Variants in MARCHF1 observed in about 807,000 individuals in gnomAD.
The protein encoded by MARCHF1 is membrane associated ring-CH-type finger 1, also known as E3 ubiquitin-protein ligase MARCHF1.
In MARCHF1, 40 loss-of-function variants were observed where a neutral mutation model predicts 54.2. That is an observed-to-expected ratio of 0.74 (90% CI 0.57 to 0.96). The LOEUF (loss-of-function observed/expected upper bound fraction) is 0.96, where lower values mean the gene tolerates loss of function less well. Among genes scored for constraint, MARCHF1 ranks in the 40% least tolerant of loss-of-function variants. The probability of loss-of-function intolerance (pLI) is 0.00; values close to 1 mark genes in which losing one functional copy is unlikely to be tolerated. For synonymous variants in MARCHF1, 236 were observed against 236.3 expected, an observed-to-expected ratio of 1.00 and a Z score of 0.01; for missense variants, 586 against 656.5, an observed-to-expected ratio of 0.89 and a Z score of 1.17.
chr4:163,630,437 T>C (rs573036840), intron 5 of MARCHF1, among the ~76,000 whole-genome samples: 4 of 152,250 alleles, frequency 2.6e-5, no homozygotes, highest in Non-Finnish European at 4.4e-5. Context: ...GAGAGATGGA[T>C]AGATTTCACA....
chr4:164,072,905 C>G (rs1224925580), intron 2 of MARCHF1, among the ~76,000 whole-genome samples: 1 of 152,108 alleles, frequency 6.6e-6, no homozygotes, highest in Admixed American at 6.5e-5. Flanking sequence ...ACAACAGGAA[C>G]AATTAGCATC....
intron 8 of MARCHF1, among the ~76,000 whole-genome samples, chr4:163,563,323 T>C (rs909302220): frequency 3.3e-5 from 5 of 152,260 alleles, no homozygotes; most frequent in African/African-American, 1.2e-4. Flanking sequence ...GAAACTTGCC[T>C]GTGGTCATCC....
intron 3 of MARCHF1, among the ~76,000 whole-genome samples, chr4:163,890,018 G>A (rs1215740376): frequency 8.1e-5 from 12 of 148,690 alleles, no homozygotes; most frequent in South Asian, 6.4e-4. Flanking sequence ...TCCGCCGCCC[G>A]GGTTCACACC....
chr4:164,238,878 T>C (rs1175082929), intron 1 of MARCHF1, among the ~76,000 whole-genome samples: 1 of 152,036 alleles, frequency 6.6e-6, no homozygotes, highest in African/African-American at 2.4e-5. Context: ...TGTATTTCTA[T>C]AATTTCTTAT....
At chr4:163,852,601 A>T (rs1749670897) in intron 4 of MARCHF1, among the ~76,000 whole-genome samples, 1 of 152,118 alleles carries the variant, frequency 6.6e-6, no homozygotes, top group South Asian at 2.1e-4. Flanking sequence ...CATTCCCTAA[A>T]ACTTTGAATA....
intron 5 of MARCHF1, among the ~76,000 whole-genome samples, chr4:163,615,208 A>G (rs1181853048): frequency 1.3e-5 from 2 of 152,070 alleles, no homozygotes; most frequent in African/African-American, 4.8e-5. Flanking sequence ...GGTGATCCCT[A>G]TGATAGTAGT....
intron 5 of MARCHF1, among the ~76,000 whole-genome samples, chr4:163,631,437 T>A (rs1742077345): frequency 6.6e-6 from 1 of 152,138 alleles, no homozygotes; most frequent in Non-Finnish European, 1.5e-5. Flanking sequence ...AGGTGATCTT[T>A]CACCCTCGGC....
chr4:163,737,014 G>C (rs1746053885), intron 4 of MARCHF1, among the ~76,000 whole-genome samples: 1 of 152,062 alleles, frequency 6.6e-6, no homozygotes, highest in African/African-American at 2.4e-5. Context: ...AAGATTGATG[G>C]AGCAAAGCCA....
intron 1 of MARCHF1, among the ~76,000 whole-genome samples, chr4:164,281,107 T>C (rs1734014719): frequency 6.6e-6 from 1 of 152,184 alleles, no homozygotes; most frequent in Non-Finnish European, 1.5e-5. Context: ...TTATATCTGT[T>C]AGAGTGCATG....
At chr4:164,148,830 T>C (rs11941944) in intron 1 of MARCHF1, among the ~76,000 whole-genome samples, 28,977 of 152,048 alleles carry the variant, frequency 0.19, 4,403 homozygotes, top group African/African-American at 0.41. Context: ...TAACAATTAA[T>C]ATGGACAAAG....
intron 1 of MARCHF1, among the ~76,000 whole-genome samples, chr4:164,241,991 T>A (rs570337264): frequency 4.5e-4 from 68 of 152,170 alleles, no homozygotes; most frequent in South Asian, 3.1e-3. Flanking sequence ...CCACGGAGAC[T>A]CACTGATTGC....
chr4:164,163,855 A>T (rs1284138407), intron 1 of MARCHF1, among the ~76,000 whole-genome samples: 2 of 151,958 alleles, frequency 1.3e-5, no homozygotes, highest in African/African-American at 4.8e-5. Context: ...AACAAATCTT[A>T]AAAGATTAAC....
At chr4:164,100,528 T>G (rs72689988) in intron 2 of MARCHF1, among the ~76,000 whole-genome samples, 11 of 152,350 alleles carry the variant, frequency 7.2e-5, no homozygotes, top group Non-Finnish European at 1.2e-4. Flanking sequence ...GAATATGTGT[T>G]GCCTAAATGA....
rs184924927 is a variant in MARCHF1, at chr4:164,100,584, T to C, written c.-248+11004A>G. The stretch of plus-strand genomic sequence containing the variant: ...CAATGAAATGTCTTTGTTTTCAACA[T>C]GGTTGGTATCTACAGCATAGAGGTG... On this transcript the variant is annotated intron_variant, in intron 2 of 9. Transcript: ENST00000514618. Among the ~76,000 whole-genome samples the C allele has an allele frequency of 3.9e-5, 6 of 152,320 alleles. No homozygotes were observed. In the East Asian group the frequency reaches 7.7e-4, roughly 20 times the overall value.
intron 1 of MARCHF1, among the ~76,000 whole-genome samples, chr4:164,334,802 G>C (rs78637389): frequency 6.6e-6 from 1 of 152,136 alleles, no homozygotes; most frequent in Non-Finnish European, 1.5e-5. Flanking sequence ...CATTCTATAT[G>C]CCATTAAGAA....
intron 2 of MARCHF1, among the ~76,000 whole-genome samples, chr4:164,023,664 C>CAATT (rs1323068462): frequency 6.6e-6 from 1 of 152,304 alleles, no homozygotes; most frequent in African/African-American, 2.4e-5. Context: ...GGATGTCTGG[C>CAATT]AATTCAAAAA....
At chr4:163,967,761 G>C (rs1480638028) in intron 3 of MARCHF1, among the ~76,000 whole-genome samples, 2 of 152,108 alleles carry the variant, frequency 1.3e-5, no homozygotes. Context: ...GATTATGGAG[G>C]CTAAGAAGCC....
At chr4:164,155,302 C>A (rs1316028412) in intron 1 of MARCHF1, among the ~76,000 whole-genome samples, 1 of 151,404 alleles carries the variant, frequency 6.6e-6, no homozygotes, top group Non-Finnish European at 1.5e-5. Context: ...AAATCTCTTA[C>A]CTGTTCGTTA....
At chr4:163,643,390 G>A (rs944365110) in intron 5 of MARCHF1, among the ~76,000 whole-genome samples, 1 of 151,244 alleles carries the variant, frequency 6.6e-6, no homozygotes, top group Non-Finnish European at 1.5e-5. Flanking sequence ...GCCCAGGCTA[G>A]TCTCAAATTC....
Sources: gnomAD v4.1 joint callset for allele counts (sites outside exome capture counted in the v4.1 genomes callset) on GRCh38, gnomAD v4.1.1 for gene constraint, MANE v1.5 for transcripts, NCBI Gene and HGNC (gene_info 2026-07-23, HGNC 2026-07-21) for gene names.